Variants in SDK1 observed in about 807,000 individuals in gnomAD.
The protein encoded by SDK1 is protein sidekick-1.
In SDK1, 157 loss-of-function variants were observed where a neutral mutation model predicts 245.5. The ratio of observed to expected loss-of-function variants is 0.64; its 90% CI spans 0.56 to 0.73. The LOEUF (loss-of-function observed/expected upper bound fraction) is 0.73, where lower values mean the gene tolerates loss of function less well. SDK1 is among the 30% of genes least tolerant of loss of function. The pLI is 0.00. For missense variants in SDK1, 3,583 were observed against 3,002.3 expected, an observed-to-expected ratio of 1.19 and a Z score of -4.52; for synonymous variants, 1,647 against 1,278.5, an observed-to-expected ratio of 1.29 and a Z score of -6.15.
At chr7:3,689,602 C>G (rs1450364892) in intron 4 of SDK1, among the ~76,000 whole-genome samples, 1 of 152,128 alleles carries the variant, frequency 6.6e-6, no homozygotes, top group Non-Finnish European at 1.5e-5. Flanking sequence ...ATGCCATCCA[C>G]CTATTACAGA....
intron 1 of SDK1, among the ~76,000 whole-genome samples, chr7:3,334,371 GAGA>G (rs1253818340): frequency 4.6e-5 from 7 of 152,202 alleles, no homozygotes; most frequent in African/African-American, 1.4e-4. Context: ...CTACGCTTGA[GAGA>G]AGAAGCTGTC....
In SDK1 at chr7:4,175,622, C is replaced by T. The variant is rs569459311; in HGVS notation, c.4937-153C>T. Among the ~76,000 whole-genome samples the T allele has an allele frequency of 8.3e-4, 126 of 152,298 alleles. 1 individual carries two copies. Among genetic ancestry groups the T allele is most frequent in the African/African-American group, 2.9e-3 (122 of 41,574 alleles). ...ACTGGGAGCTGGTGGAAAGCTTGGG[C>T]GGTAGCGGGGTCTTTATTGCCCCGG... On this transcript the variant is annotated intron_variant, in intron 33 of 44. Transcript: ENST00000404826.
intron 5 of SDK1, among the ~76,000 whole-genome samples, chr7:3,867,841 C>G (rs111270769): frequency 1.2e-4 from 19 of 152,110 alleles, no homozygotes; most frequent in Non-Finnish European, 2.4e-4. Flanking sequence ...TGTTTTATTT[C>G]TTCGCTATCA....
chr7:4,001,514 A>T (rs1219422352), intron 14 of SDK1, among the ~76,000 whole-genome samples: 1 of 152,192 alleles, frequency 6.6e-6, no homozygotes, highest in Non-Finnish European at 1.5e-5. Context: ...TACGGCCTCA[A>T]AGCCTGTTGT....
At chr7:3,576,689 G>A (rs1248937419) in intron 1 of SDK1, among the ~76,000 whole-genome samples, 1 of 152,054 alleles carries the variant, frequency 6.6e-6, no homozygotes, top group Non-Finnish European at 1.5e-5. Context: ...TGCATGGTGT[G>A]TATGTGGCTG....
intron 4 of SDK1, among the ~76,000 whole-genome samples, chr7:3,758,176 A>T (rs1779990631): frequency 6.6e-6 from 1 of 152,200 alleles, no homozygotes; most frequent in Non-Finnish European, 1.5e-5. Context: ...CTTAATAAAT[A>T]TTCTGAGGGA....
chr7:3,529,885 C>T (rs1783281390), intron 1 of SDK1, among the ~76,000 whole-genome samples: 1 of 152,114 alleles, frequency 6.6e-6, no homozygotes, highest in African/African-American at 2.4e-5. Context: ...CTGACGACAT[C>T]CCAGCCTGAG....
intron 35 of SDK1, among the ~76,000 whole-genome samples, chr7:4,191,405 G>A (rs1359958108): frequency 6.6e-6 from 1 of 152,240 alleles, no homozygotes; most frequent in African/African-American, 2.4e-5. Flanking sequence ...AAAGGTTGTG[G>A]AGCATCGCGC....
intron 1 of SDK1, among the ~76,000 whole-genome samples, chr7:3,559,494 G>C (rs751563000): frequency 2.6e-4 from 39 of 152,002 alleles, no homozygotes; most frequent in Non-Finnish European, 5.1e-4. Flanking sequence ...TTAAGTGCCA[G>C]GATACTTAGA....
chr7:4,012,599 G>GTTTTTTTTTTTTTTTTT (rs1786078112), intron 16 of SDK1, among the ~76,000 whole-genome samples: 4 of 54,608 alleles, frequency 7.3e-5, no homozygotes, highest in Admixed American at 2.3e-4. Flanking sequence ...TTTTGATGGA[G>GTTTTTTTTTTTTTTTTT]TTTCTCTCTT....
intron 19 of SDK1, among the ~76,000 whole-genome samples, chr7:4,063,371 A>G (rs1779665117): frequency 6.6e-6 from 1 of 152,210 alleles, no homozygotes; most frequent in Non-Finnish European, 1.5e-5. Flanking sequence ...AGAAAAACAT[A>G]TCTAGGAATT....
At chr7:4,250,274 A>G (rs1787206788) in intron 44 of SDK1, among the ~76,000 whole-genome samples, 1 of 151,924 alleles carries the variant, frequency 6.6e-6, no homozygotes, top group Non-Finnish European at 1.5e-5. Flanking sequence ...TTAAAATCTG[A>G]CTTCAGAACT....
intron 41 of SDK1, among the ~76,000 whole-genome samples, chr7:4,235,598 C>T (rs944326074): frequency 6.6e-6 from 1 of 152,208 alleles, no homozygotes; most frequent in Non-Finnish European, 1.5e-5. Context: ...CATCCTAATT[C>T]AGAGATCCAA....
rs536018056 is a variant in SDK1 at position 4,198,081 on chromosome 7, G to A, written c.5099-7798G>A. ...GCACTGAGACAGAGGGCTGCAGGACGTGGTCACTGAGGGCGTGAAGCCAGC... is the reference window on the plus strand; with the variant it reads ...GCACTGAGACAGAGGGCTGCAGGACATGGTCACTGAGGGCGTGAAGCCAGC... On this transcript the variant is annotated intron_variant, in intron 35 of 44. Transcript: ENST00000404826. Among the ~76,000 whole-genome samples, 19 of 147,050 alleles carry A rather than the reference G, an allele frequency of 1.3e-4. No individual in the cohort carries two copies. In the East Asian group the frequency reaches 3.1e-3, roughly 24 times the overall value.
chr7:3,787,965 G>A (rs1780957779), intron 4 of SDK1, among the ~76,000 whole-genome samples: 1 of 152,198 alleles, frequency 6.6e-6, no homozygotes, highest in Non-Finnish European at 1.5e-5. Flanking sequence ...AACTGAATAG[G>A]AGAGTTAGTT....
intron 1 of SDK1, among the ~76,000 whole-genome samples, chr7:3,597,489 G>A (rs917064543): frequency 2.6e-5 from 4 of 152,106 alleles, no homozygotes; most frequent in East Asian, 3.9e-4. Flanking sequence ...CACCGGCGGC[G>A]GGGAGGCCAC....
intron 1 of SDK1, among the ~76,000 whole-genome samples, chr7:3,578,363 C>T (rs952357152): frequency 2.6e-5 from 4 of 152,026 alleles, no homozygotes; most frequent in Admixed American, 6.6e-5. Flanking sequence ...ACTAAGATCA[C>T]GTGCTTCTGC....
chr7:3,644,997 G>A lies in SDK1; in HGVS notation c.713+2892G>A, dbSNP rs530725150. On this transcript the variant is annotated intron_variant, in intron 4 of 44. Coordinates refer to ENST00000404826, the MANE Select transcript of SDK1 (RefSeq NM_152744.4). ...CTGGAGCTTTTAATTAACGTCAGTG[G>A]CAGCAAAATTCATGGTGGAAGAATT... 1.7e-3 allele frequency among the ~76,000 whole-genome samples: 257 copies of A among 152,106 alleles called. 2 individuals carry two copies. The highest frequency in any genetic ancestry group is 5.9e-3 in the African/African-American group (246 of 41,504).
chr7:4,225,841 A>G (rs1785410761), intron 40 of SDK1, among the ~76,000 whole-genome samples: 1 of 152,072 alleles, frequency 6.6e-6, no homozygotes, highest in African/African-American at 2.4e-5. Context: ...TTTTTCGGCG[A>G]GGGCTGAAGA....
Sources: gnomAD v4.1 joint callset for allele counts (sites outside exome capture counted in the v4.1 genomes callset) on GRCh38, gnomAD v4.1.1 for gene constraint, MANE v1.5 for transcripts, NCBI Gene and HGNC (gene_info 2026-07-23, HGNC 2026-07-21) for gene names.